Variants in UPP2 observed in about 807,000 individuals in gnomAD.
UPP2 encodes uridine phosphorylase 2, also known as UPase 2.
UPP2 carries 23 observed loss-of-function variants against 26.7 expected under a neutral mutation model. The ratio of observed to expected loss-of-function variants is 0.86; its 90% confidence interval spans 0.62 to 1.22. The LOEUF (loss-of-function observed/expected upper bound fraction) is 1.22, where lower values mean the gene tolerates loss of function less well. UPP2 is among the 50% of genes most tolerant of loss of function. The pLI is 0.00. For missense variants in UPP2, 387 were observed against 396.7 expected, an observed-to-expected ratio of 0.98 and a Z score of 0.21; for synonymous variants, 127 against 141.3, an observed-to-expected ratio of 0.90 and a Z score of 0.72.
In UPP2 at chr2:158,129,894, T is replaced by G. The variant is rs545353249; in HGVS notation, c.812-4854T>G. On this transcript the variant is annotated intron_variant, in intron 6 of 6. Transcript: ENST00000005756. ...CATCTTCCCACCTCAGCCTCCAGAG[T>G]AGCTGGGACCACAGGTTCATACAAC... Among the ~76,000 whole-genome samples, 16 of 151,956 alleles carry G rather than the reference T, an allele frequency of 1.1e-4. No homozygotes were observed. In the South Asian group the frequency reaches 3.3e-3, roughly 32 times the overall value.
rs1338984978 is a variant in UPP2, at chr2:158,121,569, C to T, written c.615C>T (p.Asn205=). 5 of 1,613,556 alleles carry T rather than the reference C, an allele frequency of 3.1e-6. No homozygotes were observed. The highest frequency in any genetic ancestry group is 1.7e-5 in the Admixed American group (1 of 60,012). Residue 205 remains asparagine (N), a synonymous_variant, in exon 5 of 7, where the codon AAC becomes AAT. Coordinates refer to ENST00000005756, the MANE Select transcript of UPP2 (RefSeq NM_173355.4). ...ELFNCSKEIP[N]FPTLVGHTMC... is the part of the protein sequence containing the mutation. ...TCAACTGTAGCAAAGAAATCCCCAA[C>T]TTCCCAACCCTCGTTGGACATACAA...
chr2:158,012,626 C>T (rs1683599076), intron 2 of UPP2, among the ~76,000 whole-genome samples: 1 of 152,106 alleles, frequency 6.6e-6, no homozygotes, highest in East Asian at 1.9e-4. Flanking sequence ...TATTTAACCA[C>T]ATCTTTGATC....
At chr2:158,044,746 A>G (rs1684127231) in intron 3 of UPP2, among the ~76,000 whole-genome samples, 1 of 152,210 alleles carries the variant, frequency 6.6e-6, no homozygotes, top group Non-Finnish European at 1.5e-5. Context: ...GGAAAAGCCA[A>G]ATAAACTAAC....
chr2:158,015,769 T>A (rs1683648361), intron 2 of UPP2: 1 of 453,214 alleles, frequency 2.2e-6, no homozygotes, highest in South Asian at 1.6e-5. Flanking sequence ...CCCTTTGCTC[T>A]CTGTCTCTCT....
At chr2:157,997,148 G>T (rs1388433464) in intron 2 of UPP2, among the ~76,000 whole-genome samples, 3 of 152,168 alleles carry the variant, frequency 2.0e-5, no homozygotes, top group Non-Finnish European at 1.5e-5. Context: ...CTGCTTGTCT[G>T]ATTATTAGAT....
upstream of UPP2, among the ~76,000 whole-genome samples, chr2:158,097,568 A>T (rs1470300320): frequency 6.6e-6 from 1 of 152,190 alleles, no homozygotes; most frequent in Non-Finnish European, 1.5e-5. Flanking sequence ...AACTTTTACA[A>T]CATAACCACA....
intron 4 of UPP2, among the ~76,000 whole-genome samples, chr2:158,119,452 G>A (rs982563060): frequency 1.3e-5 from 2 of 151,930 alleles, no homozygotes; most frequent in African/African-American, 2.4e-5. Context: ...GCAGTATTGC[G>A]TTTGGAGATG....
chr2:157,997,633 G>T (rs115583315), intron 2 of UPP2, among the ~76,000 whole-genome samples: 25 of 152,140 alleles, frequency 1.6e-4, no homozygotes, highest in Non-Finnish European at 2.9e-5. Context: ...ACCACATCCT[G>T]TTAAGACAGA....
intron 3 of UPP2, among the ~76,000 whole-genome samples, chr2:158,116,990 A>G (rs770586683): frequency 2.6e-5 from 4 of 152,074 alleles, no homozygotes; most frequent in Non-Finnish European, 4.4e-5. Flanking sequence ...GTCACGGCCA[A>G]TGGTTTTCCA....
At chr2:158,036,682 A>T (rs1684006291) in intron 3 of UPP2, among the ~76,000 whole-genome samples, 1 of 152,230 alleles carries the variant, frequency 6.6e-6, no homozygotes, top group Admixed American at 6.5e-5. Context: ...TGATGCTATG[A>T]ATATAAATGT....
chr2:158,121,772 T>C lies in UPP2; in HGVS notation c.664+154T>C, dbSNP rs574515029. ...ACAGCCTTTTTTACTTACTAAAGCA[T>C]AGAAACACAAGGACATAATGAGCAG... On this transcript the variant is annotated intron_variant, in intron 5 of 6. Transcript: ENST00000005756. 3.9e-5 allele frequency among the ~76,000 whole-genome samples: 6 copies of C among 152,162 alleles called. No homozygotes were observed. The South Asian group carries it at 1.0e-3, about 26-fold the overall frequency.
chr2:158,048,466 T>C lies in UPP2; in HGVS notation c.147+32580T>C, dbSNP rs552702685. Among the ~76,000 whole-genome samples the C allele has an allele frequency of 2.6e-5, 4 of 152,290 alleles. No homozygotes were observed. The South Asian group carries it at 8.3e-4, about 32-fold the overall frequency. On this transcript the variant is annotated intron_variant, in intron 3 of 9. Transcript: ENST00000605860. The stretch of plus-strand genomic sequence containing the variant: ...ACCAAAAAATAAAATTACCCAGGCA[T>C]GGTGCCATGCACCTGTGGTCCCAGC...
intron 3 of UPP2, among the ~76,000 whole-genome samples, chr2:158,046,836 T>C (rs546405162): frequency 6.6e-6 from 1 of 152,348 alleles, no homozygotes; most frequent in Admixed American, 6.5e-5. Context: ...TTTCCTTATA[T>C]AGGGAACCAG....
At chr2:158,065,745 G>A (rs1020796961) in intron 3 of UPP2, 11 of 681,214 alleles carry the variant, frequency 1.6e-5, no homozygotes, top group South Asian at 7.8e-5. Context: ...CCATGTTCTC[G>A]ATAGGCCTTT....
intron 3 of UPP2, among the ~76,000 whole-genome samples, chr2:158,036,712 G>C (rs1289661276): frequency 1.3e-5 from 2 of 152,192 alleles, no homozygotes; most frequent in East Asian, 3.8e-4. Context: ...GGCAGGTGAA[G>C]ATAAGACCAG....
intron 3 of UPP2, among the ~76,000 whole-genome samples, chr2:158,088,502 G>A (rs1574283941): frequency 6.6e-6 from 1 of 152,072 alleles, no homozygotes; most frequent in South Asian, 2.1e-4. Context: ...TTTCCTCTTG[G>A]TTTGGATCCA....
intron 2 of UPP2, among the ~76,000 whole-genome samples, chr2:158,012,721 T>A (rs1683600220): frequency 6.6e-6 from 1 of 152,154 alleles, no homozygotes; most frequent in Non-Finnish European, 1.5e-5. Context: ...ATTATACCAA[T>A]TTTTAGAAAA....
rs1683413653 is a variant in UPP2 at position 158,001,920 on chromosome 2, CGGACAGCTTTTCTGGT to C, written c.61+6662_61+6677del. Among the ~76,000 whole-genome samples, 3 of 127,364 alleles carry C rather than the reference CGGACAGCTTTTCTGGT, an allele frequency of 2.4e-5. No individual in the cohort carries two copies. The South Asian group carries it at 7.7e-4, about 33-fold the overall frequency. The allele number at this position is 127,364 out of a possible 152,430, so 83.6% of individuals were successfully genotyped here. A position where few individuals can be genotyped will look rare whatever the true frequency, so the allele number is the denominator to read the frequency against. ...TCTTAGATCAAGCCATTCCTTGAAG[CGGACAGCTTTTCTGGT>C]TGCCTGGGGAGAATGAGCACCAAAA... is the stretch of plus-strand genomic sequence containing the variant. On this transcript the variant is annotated intron_variant, in intron 2 of 9. Transcript: ENST00000605860.
chr2:158,121,601 C>T lies in UPP2; in HGVS notation c.647C>T (p.Thr216Ile). The T allele has an allele frequency of 6.2e-7, 1 of 1,612,904 alleles. No individual in the cohort carries two copies. Among genetic ancestry groups the T allele is most frequent in the African/African-American group, 1.3e-5 (1 of 74,994 alleles). ...ACCCTCGTTGGACATACAATGTGTA[C>T]CTATGATTTTTATGAAGGTGAGAAC... The part of the protein sequence containing the change: ...FPTLVGHTMC[T>I]YDFYEGQGRL... The change falls in exon 5 of 7, where the codon ACC (threonine) becomes ATC (isoleucine). Residue 216 changes from threonine (T) to isoleucine (I), a missense_variant. Thr to Ile is a moderately conservative substitution (Grantham distance 89). Transcript: ENST00000005756.
Sources: gnomAD v4.1 joint callset for allele counts (sites outside exome capture counted in the v4.1 genomes callset) on GRCh38, gnomAD v4.1.1 for gene constraint, MANE v1.5 for transcripts, NCBI Gene and HGNC (gene_info 2026-07-23, HGNC 2026-07-21) for gene names.